KIAA2012: variants seen among roughly 807,000 people sequenced by gnomAD.
KIAA2012 encodes uncharacterized protein KIAA2012.
A neutral mutation model predicts 150.6 loss-of-function variants in KIAA2012; 125 were observed. That is an observed-to-expected ratio of 0.83 (90% CI 0.72 to 0.96). The LOEUF (loss-of-function observed/expected upper bound fraction) is 0.96. Ranked by LOEUF, KIAA2012 falls within the 40% of genes least tolerant of loss-of-function variation. KIAA2012 has a pLI of 0.00. For missense variants in KIAA2012, 1,219 were observed against 1,354.9 expected (o/e 0.90, Z 1.57); for synonymous variants, 462 against 504.7 (o/e 0.92, Z 1.13).
chr2:202,196,186 C>CTTTTCTTTTTT lies in KIAA2012; in HGVS notation c.3188-610_3188-609insCTTTTTTTTTT, dbSNP rs59455367. ...CACCAAGTTTCTTTTCTTTTCTTTT[C>CTTTTCTTTTTT]TTTTTTTTTTTTTTTTTTTTTTTTT... is the stretch of plus-strand genomic sequence containing the variant. On this transcript the variant is annotated intron_variant, in intron 21 of 23. Coordinates refer to ENST00000498697, the MANE Select transcript of KIAA2012 (RefSeq NM_001277372.4). Among the ~76,000 whole-genome samples, 172 of 79,704 alleles carry CTTTTCTTTTTT rather than the reference C, an allele frequency of 2.2e-3. 3 individuals carry two copies. Among genetic ancestry groups the CTTTTCTTTTTT allele is most frequent in the African/African-American group, 7.2e-3 (119 of 16,488 alleles). The allele number at this position is 79,704 out of a possible 152,430, so 52.3% of individuals were successfully genotyped here.
At chr2:202,139,549 CATT>C (rs1463221284) in intron 13 of KIAA2012, among the ~76,000 whole-genome samples, 8 of 152,176 alleles carry the variant, frequency 5.3e-5, no homozygotes, top group Non-Finnish European at 1.0e-4. Context: ...CCCCAGCACT[CATT>C]ATACATAATG....
At chr2:202,132,712 A>ATATGTATATG (rs1368358582) in intron 12 of KIAA2012, among the ~76,000 whole-genome samples, 60 of 127,614 alleles carry the variant, frequency 4.7e-4, no homozygotes, top group African/African-American at 1.8e-3. Context: ...ATATATGTAT[A>ATATGTATATG]TATGTATATA....
At chr2:202,160,449 G>A (rs1691627600) in intron 14 of KIAA2012, among the ~76,000 whole-genome samples, 2 of 151,862 alleles carry the variant, frequency 1.3e-5, no homozygotes, top group African/African-American at 2.4e-5. Flanking sequence ...AAGTAGCTGG[G>A]ACTACAGGCG....
intron 5 of KIAA2012, 48 bp from the exon 6 acceptor site, chr2:202,099,565 C>A: frequency 6.9e-7 from 1 of 1,454,094 alleles, no homozygotes; most frequent in Non-Finnish European, 9.2e-7. Flanking sequence ...CCTGCTCTGC[C>A]CCTTTATGAC....
At chr2:202,113,233 C>T (rs771089896) in intron 10 of KIAA2012, 103 bp from the exon 11 acceptor site, 63 of 788,768 alleles carry the variant, frequency 8.0e-5, no homozygotes, top group Non-Finnish European at 9.8e-5. Flanking sequence ...TAGGCATCTA[C>T]GGGTGTGTGC....
chr2:202,177,090 G>A lies in KIAA2012; in HGVS notation c.2120-7663G>A, dbSNP rs576204582. Reference sequence around the variant, plus strand: ...TTAAATGGTCACATATTTATACAACGGAATACTATATGATAGCTGAAAATA... The same window carrying A: ...TTAAATGGTCACATATTTATACAACAGAATACTATATGATAGCTGAAAATA... On this transcript the variant is annotated intron_variant, in intron 15 of 23. Coordinates refer to ENST00000498697, the MANE Select transcript of KIAA2012 (RefSeq NM_001277372.4). Among the ~76,000 whole-genome samples the A allele has an allele frequency of 8.5e-5, 13 of 152,096 alleles. No homozygotes were observed. In the East Asian group the frequency reaches 1.3e-3, roughly 16 times the overall value.
chr2:202,090,622 T>C, intron 2 of KIAA2012, 148 bp from the exon 3 acceptor site: 2 of 841,562 alleles, frequency 2.4e-6, no homozygotes, highest in Non-Finnish European at 3.4e-6. Context: ...TTGGTTCATG[T>C]CTATTAGCCG....
At chr2:202,106,561 C>T (rs1371045863) in intron 9 of KIAA2012, among the ~76,000 whole-genome samples, 2 of 152,082 alleles carry the variant, frequency 1.3e-5, no homozygotes, top group African/African-American at 2.4e-5. Flanking sequence ...GTGGTGCACA[C>T]CTGTAATCCC....
Position 202,188,238 on chromosome 2 carries a change from G to A in KIAA2012, c.2463G>A (p.Lys821=), listed in dbSNP as rs775107148. Residue 821 remains lysine (K), a synonymous_variant, in exon 18 of 24, where the codon AAG becomes AAA. Coordinates refer to ENST00000498697, the MANE Select transcript of KIAA2012 (RefSeq NM_001277372.4). ...TKGPKSEREG[K]VYGQAEAAIG... is the part of the protein sequence containing the mutation. Reference sequence around the variant, plus strand: ...GACCCAAAAGCGAGAGAGAAGGAAAGGTCTACGGGCAAGCAGAGGCTGCCA... The same window carrying A: ...GACCCAAAAGCGAGAGAGAAGGAAAAGTCTACGGGCAAGCAGAGGCTGCCA... 2 of 1,550,122 alleles carry A rather than the reference G, an allele frequency of 1.3e-6. No individual in the cohort carries two copies. The highest frequency in any genetic ancestry group is 1.4e-5 in the African/African-American group (1 of 73,148).
intron 13 of KIAA2012, among the ~76,000 whole-genome samples, chr2:202,152,421 A>G (rs1691446454): frequency 1.3e-5 from 2 of 152,128 alleles, no homozygotes; most frequent in Admixed American, 1.3e-4. Context: ...AGCCCCAAAT[A>G]AGGAGTTAAA....
chr2:202,137,518 T>G (rs1691096784), intron 12 of KIAA2012: 1 of 152,074 alleles, frequency 6.6e-6, no homozygotes, highest in Non-Finnish European at 1.5e-5. Context: ...GGTTTCACCT[T>G]GTTGGCCAGA....
Position 202,104,229 on chromosome 2 carries a change from C to T in KIAA2012, c.1324+1115C>T, listed in dbSNP as rs1356404488. ...TTGAACTGTGCACTTAAGATCTGTG[C>T]GATTCACTCTATGTAGATTTTACCT... On this transcript the variant is annotated intron_variant, in intron 8 of 23. Transcript: ENST00000498697. This position sits in a 1 kb window ranked among gnomAD's most constrained non-coding sequence, Gnocchi z 4.3. Among the ~76,000 whole-genome samples the T allele has an allele frequency of 3.9e-5, 6 of 151,978 alleles. No homozygotes were observed. The highest frequency in any genetic ancestry group is 3.3e-4 in the Admixed American group (5 of 15,272).
At chr2:202,159,379 CAA>C (rs202173796) in intron 14 of KIAA2012, among the ~76,000 whole-genome samples, 4 of 115,572 alleles carry the variant, frequency 3.5e-5, no homozygotes, top group Non-Finnish European at 3.7e-5. Context: ...GTTCTATTTC[CAA>C]AAAAAAAAAA....
intron 13 of KIAA2012, among the ~76,000 whole-genome samples, chr2:202,148,331 A>G (rs1691344180): frequency 6.6e-6 from 1 of 152,184 alleles, no homozygotes. Flanking sequence ...AATTTGCTAA[A>G]CACTCAGGAG....
At chr2:202,087,815 G>T (rs1305434686) in intron 2 of KIAA2012, among the ~76,000 whole-genome samples, 1 of 152,068 alleles carries the variant, frequency 6.6e-6, no homozygotes, top group Non-Finnish European at 1.5e-5. Context: ...CTTCTCTAAA[G>T]AAACAAAGAC....
At chr2:202,198,328 G>C (rs900483221) in intron 22 of KIAA2012, among the ~76,000 whole-genome samples, 5 of 152,084 alleles carry the variant, frequency 3.3e-5, no homozygotes. Context: ...AAATATTCCA[G>C]CAAGTAAACA....
In KIAA2012 at chr2:202,093,188, A is replaced by T. The variant is rs1186822446; in HGVS notation, c.685+3A>T. 4 of 1,550,682 alleles carry T rather than the reference A, an allele frequency of 2.6e-6. No individual in the cohort carries two copies. Among genetic ancestry groups the T allele is most frequent in the Non-Finnish European group, 3.5e-6 (4 of 1,146,834 alleles). ...ACAAGGAAAATCTTTTGAACAACGT[A>T]CGTGTTGATTTACATGTTGATTTTA... On this transcript the variant is annotated splice_donor_region_variant and intron_variant, in intron 4 of 23. Coordinates refer to ENST00000498697, the MANE Select transcript of KIAA2012 (RefSeq NM_001277372.4).
intron 13 of KIAA2012, among the ~76,000 whole-genome samples, chr2:202,148,050 G>C (rs1375042261): frequency 6.6e-6 from 1 of 152,178 alleles, no homozygotes; most frequent in African/African-American, 2.4e-5. Context: ...TGATTCTGTT[G>C]TATCAACAAA....
chr2:202,082,869 T>C (rs894357491), intron 2 of KIAA2012, among the ~76,000 whole-genome samples: 1 of 149,880 alleles, frequency 6.7e-6, no homozygotes, highest in African/African-American at 2.5e-5. Flanking sequence ...TTTTTTTGCA[T>C]GTAAAGTATG....
Sources: allele counts gnomAD v4.1 joint callset (sites outside exome capture counted in the v4.1 genomes callset), GRCh38; gene constraint gnomAD v4.1.1; non-coding constraint Gnocchi (gnomAD v3.1); transcripts MANE v1.5; gene names NCBI Gene and HGNC (gene_info 2026-07-23, HGNC 2026-07-21).